The following PTPRJ variants were observed in gnomAD, a reference collection of about 807,000 sequenced individuals.
PTPRJ encodes the protein receptor-type tyrosine-protein phosphatase eta.
In PTPRJ, 129 loss-of-function variants were observed where a neutral mutation model predicts 141.3. The ratio of observed to expected loss-of-function variants is 0.91; its 90% CI spans 0.79 to 1.06. PTPRJ has a LOEUF of 1.06. Among genes scored for constraint, PTPRJ ranks in the 50% least tolerant of loss-of-function variants. The probability of loss-of-function intolerance (pLI) is 0.00; values close to 1 mark genes in which losing one functional copy is unlikely to be tolerated. For missense variants in PTPRJ, 1,601 were observed against 1,679.7 expected, an observed-to-expected ratio of 0.95 and a Z score of 0.82; for synonymous variants, 610 against 640.5, an observed-to-expected ratio of 0.95 and a Z score of 0.72.
chr11:48,034,575 C>T (rs1333529440), intron 1 of PTPRJ, among the ~76,000 whole-genome samples: 1 of 152,182 alleles, frequency 6.6e-6, no homozygotes, highest in Non-Finnish European at 1.5e-5. Flanking sequence ...CTATTGCACT[C>T]ACTTGCATAT....
At chr11:48,009,742 C>A (rs562812198) in intron 1 of PTPRJ, among the ~76,000 whole-genome samples, 1 of 152,318 alleles carries the variant, frequency 6.6e-6, no homozygotes, top group South Asian at 2.1e-4. Context: ...TGCTATGTGC[C>A]CCTGGGCAAG....
intron 1 of PTPRJ, among the ~76,000 whole-genome samples, chr11:48,106,927 C>T (rs1856305392): frequency 6.6e-6 from 1 of 151,860 alleles, no homozygotes. Context: ...TGCAACCACA[C>T]CTGGCTAATT....
chr11:48,060,428 C>G (rs1420811563), intron 1 of PTPRJ, among the ~76,000 whole-genome samples: 1 of 139,108 alleles, frequency 7.2e-6, no homozygotes, highest in African/African-American at 3.3e-5. Context: ...TTTTTTTTTT[C>G]TAAAGATCCA....
chr11:48,055,110 A>G (rs1347897397), intron 1 of PTPRJ, among the ~76,000 whole-genome samples: 1 of 152,076 alleles, frequency 6.6e-6, no homozygotes, highest in Admixed American at 6.6e-5. Flanking sequence ...TACTTGAGCC[A>G]GGGAGGTTGA....
chr11:48,138,187 G>A (rs1018095572), intron 10 of PTPRJ, among the ~76,000 whole-genome samples: 5 of 152,206 alleles, frequency 3.3e-5, no homozygotes, highest in Non-Finnish European at 5.9e-5. Flanking sequence ...AGCCTTGATG[G>A]CCTCTGGCTT....
chr11:48,124,898 G>T (rs1220296643), intron 5 of PTPRJ, 70 bp from the exon 6 acceptor site: 6 of 1,470,600 alleles, frequency 4.1e-6, no homozygotes, highest in Non-Finnish European at 5.7e-6. Context: ...TGGGGTTGGG[G>T]CTCCGAAGGA....
intron 1 of PTPRJ, among the ~76,000 whole-genome samples, chr11:48,038,240 T>G (rs1854176995): frequency 6.6e-6 from 1 of 152,122 alleles, no homozygotes; most frequent in African/African-American, 2.4e-5. Flanking sequence ...AAATGCTTGG[T>G]GAACAAGTGT....
chr11:47,980,883 G>C lies in PTPRJ; in HGVS notation c.-30G>C, dbSNP rs1279575187. Reference sequence around the variant, plus strand: ...GCGCACGGCGGGGCCCGATTCGCGCGTCCGGGGCACGTTCCAGGGCGCGCG... The same window carrying C: ...GCGCACGGCGGGGCCCGATTCGCGCCTCCGGGGCACGTTCCAGGGCGCGCG... On this transcript the variant is annotated 5_prime_UTR_variant, in exon 1 of 25. Transcript: ENST00000418331. 1 of 1,121,268 alleles carries C rather than the reference G, an allele frequency of 8.9e-7. No individual in the cohort carries two copies. The highest frequency in any genetic ancestry group is 1.1e-6 in the Non-Finnish European group (1 of 918,498). 69.5% of individuals were successfully genotyped at this position (1,121,268 alleles called of 1,614,324 possible). A position where few individuals can be genotyped will look rare whatever the true frequency, so the allele number is the denominator to read the frequency against.
At chr11:48,100,220 TC>T (rs1856117904) in intron 1 of PTPRJ, among the ~76,000 whole-genome samples, 1 of 152,126 alleles carries the variant, frequency 6.6e-6, no homozygotes, top group Non-Finnish European at 1.5e-5. Flanking sequence ...CCCAAGTTCC[TC>T]CTTTCATGCA....
intron 1 of PTPRJ, among the ~76,000 whole-genome samples, chr11:48,064,451 G>A (rs919892026): frequency 3.3e-5 from 5 of 152,192 alleles, no homozygotes; most frequent in Admixed American, 2.6e-4. Context: ...CGGAGCTGCA[G>A]GGTCAGCTCA....
chr11:48,146,900 G>A lies in PTPRJ; in HGVS notation c.2936G>A (p.Gly979Asp). The A allele has an allele frequency of 1.2e-6, 2 of 1,614,094 alleles. No individual in the cohort carries two copies. The highest frequency in any genetic ancestry group is 1.7e-6 in the Non-Finnish European group (2 of 1,180,004). Reference sequence around the variant, plus strand: ...GGTGTCATCTGTGGAGCGGTTTTTGGCTGTATCTTTGGTGCCCTGGTTATT... The same window carrying A: ...GGTGTCATCTGTGGAGCGGTTTTTGACTGTATCTTTGGTGCCCTGGTTATT... ...DPGVICGAVF[G>D]CIFGALVIVT... The change falls in exon 15 of 25, where the codon GGC becomes GAC. Residue 979 changes from glycine (G) to aspartate (D), a missense_variant. Gly to Asp is a moderately conservative substitution (Grantham distance 94). Coordinates refer to ENST00000418331, the MANE Select transcript of PTPRJ (RefSeq NM_002843.4).
At chr11:48,076,084 T>C (rs1259504274) in intron 1 of PTPRJ, among the ~76,000 whole-genome samples, 1 of 152,204 alleles carries the variant, frequency 6.6e-6, no homozygotes, top group African/African-American at 2.4e-5. Flanking sequence ...AGGAAGAACA[T>C]GGTGGCTTGA....
At chr11:48,138,138 G>A (rs1024649651) in intron 10 of PTPRJ, among the ~76,000 whole-genome samples, 1 of 152,158 alleles carries the variant, frequency 6.6e-6, no homozygotes, top group African/African-American at 2.4e-5. Flanking sequence ...GGAAGTGATG[G>A]TCTCATGGGA....
intron 1 of PTPRJ, among the ~76,000 whole-genome samples, chr11:48,086,384 C>T (rs1212311254): frequency 6.6e-6 from 1 of 152,184 alleles, no homozygotes; most frequent in Non-Finnish European, 1.5e-5. Context: ...GTTGACCAGG[C>T]TGGTCTGGAA....
chr11:47,984,051 A>G (rs909372394), intron 1 of PTPRJ, among the ~76,000 whole-genome samples: 1 of 152,192 alleles, frequency 6.6e-6, no homozygotes, highest in African/African-American at 2.4e-5. Flanking sequence ...CTTCAGGACA[A>G]CGGGAAAACC....
chr11:48,164,906 T>G (rs1857883328), intron 24 of PTPRJ, among the ~76,000 whole-genome samples: 1 of 152,204 alleles, frequency 6.6e-6, no homozygotes, highest in African/African-American at 2.4e-5. Flanking sequence ...TGTCATGCAC[T>G]TGTGTTAAAA....
intron 1 of PTPRJ, among the ~76,000 whole-genome samples, chr11:48,097,828 G>T (rs961608291): frequency 6.6e-6 from 1 of 152,062 alleles, no homozygotes; most frequent in Non-Finnish European, 1.5e-5. Flanking sequence ...ATGAGCCACC[G>T]CACCCGGCCT....
At chr11:48,163,761 T>G in intron 23 of PTPRJ, 143 bp downstream of exon 23, 1 of 1,038,334 alleles carries the variant, frequency 9.6e-7, no homozygotes, top group Non-Finnish European at 1.4e-6. Flanking sequence ...ATGGACTTAC[T>G]CCCTAAGCCC....
intron 8 of PTPRJ, among the ~76,000 whole-genome samples, chr11:48,135,065 T>C (rs1269397312): frequency 6.6e-6 from 1 of 152,072 alleles, no homozygotes; most frequent in Admixed American, 6.5e-5. Flanking sequence ...GGATGTATCC[T>C]CAGCACATAG....
Sources: allele counts gnomAD v4.1 joint callset (sites outside exome capture counted in the v4.1 genomes callset), GRCh38; gene constraint gnomAD v4.1.1; transcripts MANE v1.5; gene names NCBI Gene and HGNC (gene_info 2026-07-23, HGNC 2026-07-21).